Variants in CADM1 observed in about 807,000 individuals in gnomAD.
CADM1 encodes the protein cell adhesion molecule 1.
In CADM1, 15 loss-of-function variants were observed where a neutral mutation model predicts 53.1. The ratio of observed to expected loss-of-function variants is 0.28; its 90% confidence interval spans 0.19 to 0.44. CADM1 has a LOEUF of 0.44. CADM1 is among the 20% of genes least tolerant of loss of function. The probability of loss-of-function intolerance (pLI) is 1.00; values close to 1 mark genes in which losing one functional copy is unlikely to be tolerated. For synonymous variants in CADM1, 281 were observed against 243.0 expected, an observed-to-expected ratio of 1.16 and a Z score of -1.45; for missense variants, 434 against 611.3, an observed-to-expected ratio of 0.71 and a Z score of 3.06.
At position 115,171,649 on chromosome 11, in the gene CADM1, CA is replaced by C. The variant is rs1191262127; in HGVS notation, c.*4824del. The stretch of plus-strand genomic sequence containing the variant: ...TGCATACCCTGTGGAGCTCAAAAGG[CA>C]AATGTACAGCAGTCACCACCTCCTG... On this transcript the variant is annotated 3_prime_UTR_variant, in exon 12 of 12. Coordinates refer to ENST00000331581, the MANE Select transcript of CADM1 (RefSeq NM_001301043.2). 6.6e-6 allele frequency: 1 copy of C among 152,168 alleles called. No individual in the cohort carries two copies. The allele number at this position is 152,168 out of a possible 1,614,324, so 9.4% of individuals were successfully genotyped here.
At position 115,437,491 on chromosome 11, in the gene CADM1, C is replaced by T. The variant is rs967004587; in HGVS notation, c.124+66780G>A. Among the ~76,000 whole-genome samples the T allele has an allele frequency of 5.3e-5, 8 of 152,142 alleles. No individual in the cohort carries two copies. The South Asian group carries it at 1.0e-3, about 20-fold the overall frequency. ...GGATATTTCTACAAAAACAAATCAG[C>T]GCAGGAAGACATTTTCTCACTATGG... On this transcript the variant is annotated intron_variant, in intron 1 of 11. Transcript: ENST00000331581.
intron 1 of CADM1, among the ~76,000 whole-genome samples, chr11:115,336,909 T>C (rs945747043): frequency 3.3e-5 from 5 of 152,190 alleles, no homozygotes; most frequent in Non-Finnish European, 7.3e-5. Flanking sequence ...AACCGTTAAG[T>C]AAGTACTGAC....
intron 1 of CADM1, among the ~76,000 whole-genome samples, chr11:115,289,030 C>T (rs1489179884): frequency 2.6e-5 from 4 of 152,060 alleles, no homozygotes; most frequent in African/African-American, 9.7e-5. Flanking sequence ...TCAGGAAGAA[C>T]TGAAGAAGCC....
At chr11:115,340,645 T>C (rs1249693591) in intron 1 of CADM1, among the ~76,000 whole-genome samples, 24 of 35,050 alleles carry the variant, frequency 6.8e-4, no homozygotes, top group African/African-American at 2.2e-3. Flanking sequence ...TATATATATA[T>C]ATATATATAT....
chr11:115,236,548 A>AT (rs2134888733), intron 3 of CADM1, among the ~76,000 whole-genome samples: 1 of 152,332 alleles, frequency 6.6e-6, no homozygotes, highest in East Asian at 1.9e-4. Context: ...CTCCAAAAGG[A>AT]TTACAGGCAT....
chr11:115,358,345 C>A (rs997074653), intron 1 of CADM1, among the ~76,000 whole-genome samples: 1 of 152,174 alleles, frequency 6.6e-6, no homozygotes, highest in Admixed American at 6.6e-5. Flanking sequence ...AAAGGCCTCA[C>A]GTGGCTGAGG....
intron 1 of CADM1, among the ~76,000 whole-genome samples, chr11:115,416,061 T>C (rs1662892783): frequency 6.6e-6 from 1 of 152,160 alleles, no homozygotes; most frequent in South Asian, 2.1e-4. Context: ...TTCAATTCAT[T>C]ATTATCTACT....
intron 1 of CADM1, among the ~76,000 whole-genome samples, chr11:115,382,027 TAG>T (rs1376245942): frequency 6.6e-6 from 1 of 152,082 alleles, no homozygotes; most frequent in Non-Finnish European, 1.5e-5. Context: ...GTATTTTTAG[TAG>T]AGACAGGGTT....
At chr11:115,424,814 C>T (rs1032808147) in intron 1 of CADM1, among the ~76,000 whole-genome samples, 5 of 152,058 alleles carry the variant, frequency 3.3e-5, no homozygotes, top group Admixed American at 3.3e-4. Context: ...GCATGAGCTA[C>T]CACGCCCAGC....
intron 1 of CADM1, among the ~76,000 whole-genome samples, chr11:115,310,936 G>A (rs755001063): frequency 4.6e-5 from 7 of 152,144 alleles, no homozygotes; most frequent in Non-Finnish European, 7.4e-5. Context: ...TCAGTGTTTT[G>A]TGCAAGCTTT....
intron 5 of CADM1, among the ~76,000 whole-genome samples, chr11:115,219,023 TC>T (rs1453088852): frequency 6.6e-6 from 1 of 152,206 alleles, no homozygotes; most frequent in Non-Finnish European, 1.5e-5. Flanking sequence ...AAATCGGTTT[TC>T]TCATTTAATT....
chr11:115,174,393 G>A lies in CADM1; in HGVS notation c.*2081C>T. Reference sequence around the variant, plus strand: ...TGATTATACTATGGTCGGAATGGGTGCTAAGGGCTCGGAATAGAGCTGCAG... The same window carrying A: ...TGATTATACTATGGTCGGAATGGGTACTAAGGGCTCGGAATAGAGCTGCAG... On this transcript the variant is annotated 3_prime_UTR_variant, in exon 12 of 12. Transcript: ENST00000331581. The A allele has an allele frequency of 5.1e-6, 5 of 985,638 alleles. No individual in the cohort carries two copies. Among genetic ancestry groups the A allele is most frequent in the Non-Finnish European group, 6.0e-6 (5 of 829,870 alleles). The allele number at this position is 985,638 out of a possible 1,614,324, so 61.1% of individuals were successfully genotyped here.
intron 1 of CADM1, among the ~76,000 whole-genome samples, chr11:115,440,512 T>C (rs185346549): frequency 6.6e-6 from 1 of 152,314 alleles, no homozygotes; most frequent in African/African-American, 2.4e-5. Context: ...GATCTCAAAG[T>C]CATTAAACAA....
chr11:115,481,884 C>T (rs56158305), intron 1 of CADM1, among the ~76,000 whole-genome samples: 2,189 of 152,292 alleles, frequency 0.014, 28 homozygotes, highest in South Asian at 0.039. Context: ...GCTCTCCTAC[C>T]TGAGTCTCTA....
chr11:115,370,661 T>TAA (rs1565391865), intron 1 of CADM1, among the ~76,000 whole-genome samples: 1 of 152,148 alleles, frequency 6.6e-6, no homozygotes, highest in Non-Finnish European at 1.5e-5. Context: ...CTTTGAGAAA[T>TAA]ACATTTCCGT....
chr11:115,215,172 A>C (rs886222580), intron 6 of CADM1, among the ~76,000 whole-genome samples: 1 of 152,246 alleles, frequency 6.6e-6, no homozygotes, highest in African/African-American at 2.4e-5. Flanking sequence ...ACATGCATTC[A>C]TCTGATGGTT....
At position 115,260,112 on chromosome 11, in the gene CADM1, T is replaced by A. The variant is rs1419180156; in HGVS notation, c.125-19692A>T. Among the ~76,000 whole-genome samples, 6 of 152,142 alleles carry A rather than the reference T, an allele frequency of 3.9e-5. No homozygotes were observed. In the South Asian group the frequency reaches 8.3e-4, roughly 21 times the overall value. ...TAATTTTTTTACTTTTAATTTTGTT[T>A]AGAGACGGGGTCTGTCTATGTTGCC... is the stretch of plus-strand genomic sequence containing the variant. On this transcript the variant is annotated intron_variant, in intron 1 of 11. Coordinates refer to ENST00000331581, the MANE Select transcript of CADM1 (RefSeq NM_001301043.2).
At chr11:115,324,870 T>A (rs1944920415) in intron 1 of CADM1, among the ~76,000 whole-genome samples, 1 of 152,096 alleles carries the variant, frequency 6.6e-6, no homozygotes, top group African/African-American at 2.4e-5. Context: ...AGTTGGCAAT[T>A]TCTCCTCCAA....
intron 1 of CADM1, among the ~76,000 whole-genome samples, chr11:115,369,974 C>T (rs1414538172): frequency 6.6e-6 from 1 of 152,154 alleles, no homozygotes; most frequent in Non-Finnish European, 1.5e-5. Context: ...ATGACTTATC[C>T]TTGCTGAAGC....
Sources: allele counts gnomAD v4.1 joint callset (sites outside exome capture counted in the v4.1 genomes callset), GRCh38; gene constraint gnomAD v4.1.1; transcripts MANE v1.5; gene names NCBI Gene and HGNC (gene_info 2026-07-23, HGNC 2026-07-21).